Variants in WNK2 observed in about 807,000 individuals in gnomAD.
WNK2 encodes serine/threonine-protein kinase WNK2.
A neutral mutation model predicts 192.1 loss-of-function variants in WNK2; 67 were observed. The observed-to-expected ratio is 0.35, with a 90% CI of 0.29 to 0.43. The LOEUF (loss-of-function observed/expected upper bound fraction) is 0.43, where lower values mean the gene tolerates loss of function less well. Ranked by LOEUF, WNK2 falls within the 20% of genes least tolerant of loss-of-function variation. The pLI, the probability that WNK2 is intolerant of heterozygous loss-of-function variation, is 1.00. For synonymous variants in WNK2, 1,439 were observed against 1,393.9 expected, an observed-to-expected ratio of 1.03 and a Z score of -0.72; for missense variants, 2,698 against 3,089.7, an observed-to-expected ratio of 0.87 and a Z score of 3.01.
chr9:93,194,520 C>A (rs1334899860), intron 2 of WNK2, among the ~76,000 whole-genome samples: 2 of 152,186 alleles, frequency 1.3e-5, no homozygotes, highest in African/African-American at 4.8e-5. Flanking sequence ...CCACTGCACA[C>A]CTACTAGAAT....
At chr9:93,202,871 G>A (rs1832723905) in intron 2 of WNK2, among the ~76,000 whole-genome samples, 1 of 152,112 alleles carries the variant, frequency 6.6e-6, no homozygotes, top group Non-Finnish European at 1.5e-5. Context: ...GAAGGGCTAG[G>A]CTGCCTTTGT....
chr9:93,283,349 C>T (rs1241775248), intron 19 of WNK2, among the ~76,000 whole-genome samples: 1 of 152,102 alleles, frequency 6.6e-6, no homozygotes, highest in Non-Finnish European at 1.5e-5. Context: ...AGGGTATCAA[C>T]AGAGCTTAGC....
intron 2 of WNK2, among the ~76,000 whole-genome samples, chr9:93,189,468 C>T (rs1829930010): frequency 6.6e-6 from 1 of 152,192 alleles, no homozygotes; most frequent in Non-Finnish European, 1.5e-5. Context: ...CAAAGTAGGT[C>T]TTGCTGCTGC....
chr9:93,224,058 C>T (rs917677549), intron 2 of WNK2, among the ~76,000 whole-genome samples: 4 of 152,180 alleles, frequency 2.6e-5, no homozygotes, highest in African/African-American at 9.7e-5. Flanking sequence ...CTATTGTGGA[C>T]AGAGAAGCTC....
chr9:93,279,586 T>G (rs528072845), intron 19 of WNK2, among the ~76,000 whole-genome samples: 1 of 152,182 alleles, frequency 6.6e-6, no homozygotes, highest in Admixed American at 6.5e-5. Context: ...GAATTTCACA[T>G]GAAAACACAA....
intron 27 of WNK2, 152 bp downstream of exon 27, chr9:93,306,973 C>T (rs888551043): frequency 2.3e-5 from 21 of 917,360 alleles, no homozygotes; most frequent in East Asian, 2.4e-5. Flanking sequence ...GGCACTGCTT[C>T]GCTTCTGCCT....
At chr9:93,290,973 T>G (rs577416424) in intron 21 of WNK2, among the ~76,000 whole-genome samples, 1 of 152,290 alleles carries the variant, frequency 6.6e-6, no homozygotes. Context: ...CCCCTGAGCC[T>G]CCTAACGGAA....
At chr9:93,320,327 G>A (rs779428501) in intron 29 of WNK2, 40 bp from the exon 30 acceptor site, 1 of 1,367,262 alleles carries the variant, frequency 7.3e-7, no homozygotes, top group Non-Finnish European at 9.8e-7. Flanking sequence ...GGCCAGCACT[G>A]CGGTGGGCCC....
At chr9:93,184,902 C>A in intron 1 of WNK2, 26 bp from the exon 2 acceptor site, 1 of 1,153,854 alleles carries the variant, frequency 8.7e-7, no homozygotes, top group Non-Finnish European at 1.1e-6. Flanking sequence ...GGCGCTCACG[C>A]GGGCCTGTGT....
In WNK2 at chr9:93,279,617, CAG is replaced by C. The variant is rs201118607; in HGVS notation, c.4034-9169_4034-9168del. Among the ~76,000 whole-genome samples the C allele has an allele frequency of 6.2e-3, 947 of 152,222 alleles. 9 individuals are homozygous for C. Among genetic ancestry groups the C allele is most frequent in the African/African-American group, 0.022 (895 of 41,528 alleles). On this transcript the variant is annotated intron_variant, in intron 19 of 29. Coordinates refer to ENST00000427277, the MANE Select transcript of WNK2 (RefSeq NM_006648.4). ...CACAAAGGGCATGGAAAATTGGAAA[CAG>C]AACTAAATCAGAGAACTAACAATAC...
chr9:93,243,392 C>T lies in WNK2; in HGVS notation c.1542+3416C>T, dbSNP rs139446354. Among the ~76,000 whole-genome samples the T allele has an allele frequency of 4.8e-3, 727 of 152,338 alleles. 8 individuals are homozygous for T. The highest frequency in any genetic ancestry group is 0.017 in the African/African-American group (687 of 41,568). On this transcript the variant is annotated intron_variant, in intron 7 of 29. Coordinates refer to ENST00000427277, the MANE Select transcript of WNK2 (RefSeq NM_006648.4). ...TCACCACACAAGTCCCCGTCCCTGG[C>T]AGTTGGCTGAACTCTGCGGCTGTGT...
chr9:93,290,959 G>C (rs1271811365), intron 21 of WNK2, among the ~76,000 whole-genome samples: 6 of 152,204 alleles, frequency 3.9e-5, no homozygotes, highest in African/African-American at 1.4e-4. Context: ...TATGAATCAG[G>C]ACTCCCCTGA....
At chr9:93,273,157 T>C (rs1200501134) in intron 19 of WNK2, among the ~76,000 whole-genome samples, 1 of 152,208 alleles carries the variant, frequency 6.6e-6, no homozygotes, top group Non-Finnish European at 1.5e-5. Flanking sequence ...TTTATTTACT[T>C]ATTTAGTTAG....
chr9:93,196,809 G>C (rs1469570240), intron 2 of WNK2, among the ~76,000 whole-genome samples: 2 of 152,152 alleles, frequency 1.3e-5, no homozygotes, highest in Non-Finnish European at 2.9e-5. Flanking sequence ...CGGGCTGTGG[G>C]TGGAGCGTGC....
At chr9:93,281,222 T>C (rs933910234) in intron 19 of WNK2, among the ~76,000 whole-genome samples, 3 of 152,172 alleles carry the variant, frequency 2.0e-5, no homozygotes, top group Non-Finnish European at 2.9e-5. Context: ...TATACCTAAA[T>C]AAAGCTATTA....
chr9:93,205,298 C>T (rs993718559), intron 2 of WNK2, among the ~76,000 whole-genome samples: 10 of 152,192 alleles, frequency 6.6e-5, no homozygotes, highest in African/African-American at 2.2e-4. Flanking sequence ...AGTGAGCAGA[C>T]GGCCACTGTG....
intron 27 of WNK2, 126 bp from the exon 28 acceptor site, chr9:93,308,202 A>T: frequency 3.5e-6 from 5 of 1,446,490 alleles, no homozygotes; most frequent in Non-Finnish European, 4.5e-6. Context: ...CTCTTGAAGC[A>T]AGGTGCTGCC....
chr9:93,222,511 C>T (rs934781446), intron 2 of WNK2, among the ~76,000 whole-genome samples: 1 of 152,130 alleles, frequency 6.6e-6, no homozygotes, highest in African/African-American at 2.4e-5. Context: ...CTGAGCACCT[C>T]CTTCCCTGGC....
intron 2 of WNK2, among the ~76,000 whole-genome samples, chr9:93,204,976 G>A (rs1162771072): frequency 6.6e-6 from 1 of 152,210 alleles, no homozygotes; most frequent in Non-Finnish European, 1.5e-5. Context: ...GCCAAGAAGT[G>A]AACTGAGCTT....
Sources: gnomAD v4.1 joint callset for allele counts (sites outside exome capture counted in the v4.1 genomes callset) on GRCh38, gnomAD v4.1.1 for gene constraint, MANE v1.5 for transcripts, NCBI Gene and HGNC (gene_info 2026-07-23, HGNC 2026-07-21) for gene names.